The following GDF5 variants were observed in gnomAD, a reference collection of about 807,000 sequenced individuals.
GDF5 encodes the protein growth/differentiation factor 5.
GDF5 carries 17 observed loss-of-function variants against 34.6 expected under a neutral mutation model. That is an observed-to-expected ratio of 0.49 (90% CI 0.34 to 0.74). The LOEUF is 0.74. GDF5 is among the 30% of genes least tolerant of loss of function. The pLI is 0.01. For synonymous variants in GDF5, 332 were observed against 290.7 expected, an observed-to-expected ratio of 1.14 and a Z score of -1.44; for missense variants, 616 against 661.2, an observed-to-expected ratio of 0.93 and a Z score of 0.75.
chr20:35,448,413 A>AAAAAATAT (rs1236837477), intron 1 of GDF5, among the ~76,000 whole-genome samples: 2 of 96,502 alleles, frequency 2.1e-5, no homozygotes, highest in African/African-American at 8.1e-5. Flanking sequence ...AAAAAAAAAA[A>AAAAAATAT]ATATATATAT....
intron 1 of GDF5, among the ~76,000 whole-genome samples, chr20:35,445,290 G>A (rs1035476163): frequency 1.3e-5 from 2 of 152,124 alleles, no homozygotes; most frequent in African/African-American, 4.8e-5. Flanking sequence ...CAGCACTTTG[G>A]GAGTCTGAGA....
At chr20:35,450,745 C>G (rs6058249) in intron 1 of GDF5, among the ~76,000 whole-genome samples, 1 of 151,880 alleles carries the variant, frequency 6.6e-6, no homozygotes, top group Non-Finnish European at 1.5e-5. Flanking sequence ...TGAACAGGAC[C>G]TAATAGTCAG....
In GDF5 at chr20:35,434,281, T is replaced by A; in HGVS notation, c.1134A>T (p.Arg378=). The change falls in exon 2 of 2, where the codon CGA becomes CGT. Residue 378 remains arginine (R), a synonymous_variant. Transcript: ENST00000374369. The part of the protein sequence containing the change: ...TVYEYLFSQR[R]KRRAPLATRQ... ...GAGTGGCCAGTGGGGCCCGCCGTTTTCGCCGCTGGCTGAACAGGTACTCAT... is the reference window on the plus strand; with the variant it reads ...GAGTGGCCAGTGGGGCCCGCCGTTTACGCCGCTGGCTGAACAGGTACTCAT... 1 of 1,614,184 alleles carries A rather than the reference T, an allele frequency of 6.2e-7. No individual in the cohort carries two copies. Among genetic ancestry groups the A allele is most frequent in the Non-Finnish European group, 8.5e-7 (1 of 1,180,030 alleles).
At chr20:35,450,889 C>T (rs993867087) in intron 1 of GDF5, among the ~76,000 whole-genome samples, 3 of 151,400 alleles carry the variant, frequency 2.0e-5, no homozygotes, top group South Asian at 4.2e-4. Context: ...TTGGTTTGAG[C>T]GGTTAAAAGT....
upstream of GDF5, among the ~76,000 whole-genome samples, chr20:35,438,713 A>AGC (rs2062486274): frequency 1.3e-5 from 2 of 152,132 alleles, no homozygotes; most frequent in African/African-American, 4.8e-5. Flanking sequence ...GAATGAGCTC[A>AGC]AAGATCTTAA....
intron 1 of GDF5, among the ~76,000 whole-genome samples, chr20:35,445,010 A>G (rs1399817182): frequency 6.6e-6 from 1 of 152,216 alleles, no homozygotes; most frequent in East Asian, 1.9e-4. Flanking sequence ...CTGGGATTAC[A>G]GGTGTGAGCC....
upstream of GDF5, among the ~76,000 whole-genome samples, chr20:35,440,235 G>A (rs7345533): frequency 6.7e-6 from 1 of 149,994 alleles, no homozygotes; most frequent in Admixed American, 6.7e-5. Context: ...CGGGTGTGGA[G>A]GCAAAGGTTG....
Position 35,449,379 on chromosome 20 carries a change from G to A in GDF5, c.-398+5261C>T, listed in dbSNP as rs224345. ...CAGCCTCAACCTCCTGGGCTCAAGCGATCCTTCCTACCTCAGCCTCCAGAA... is the reference window on the plus strand; with the variant it reads ...CAGCCTCAACCTCCTGGGCTCAAGCAATCCTTCCTACCTCAGCCTCCAGAA... On this transcript the variant is annotated intron_variant, in intron 1 of 3. Coordinates refer to the GDF5 transcript ENST00000374372. Among the ~76,000 whole-genome samples, 549 of 152,066 alleles carry A rather than the reference G, an allele frequency of 3.6e-3. 5 individuals are homozygous for A. The highest frequency in any genetic ancestry group is 5.0e-3 in the Non-Finnish European group (342 of 68,004).
At chr20:35,445,630 C>T (rs1196304247) in intron 1 of GDF5, among the ~76,000 whole-genome samples, 1 of 151,654 alleles carries the variant, frequency 6.6e-6, no homozygotes, top group Admixed American at 6.6e-5. Context: ...CACCATTGCA[C>T]TCCAGTCTGG....
chr20:35,444,626 G>A (rs1205234753), intron 1 of GDF5, among the ~76,000 whole-genome samples: 1 of 152,058 alleles, frequency 6.6e-6, no homozygotes, highest in Non-Finnish European at 1.5e-5. Flanking sequence ...CAAGAGTCTT[G>A]CTCTGTTGCC....
At chr20:35,450,891 G>A (rs1025755453) in intron 1 of GDF5, among the ~76,000 whole-genome samples, 22 of 151,590 alleles carry the variant, frequency 1.5e-4, no homozygotes, top group African/African-American at 5.3e-4. Flanking sequence ...GGTTTGAGCG[G>A]TTAAAAGTAA....
chr20:35,443,408 C>G (rs2062504414), intron 1 of GDF5, among the ~76,000 whole-genome samples: 1 of 152,004 alleles, frequency 6.6e-6, no homozygotes, highest in African/African-American at 2.4e-5. Flanking sequence ...TCTCTGCAGC[C>G]CCTTCTGCCA....
intron 1 of GDF5, chr20:35,435,022 T>A: frequency 1.6e-6 from 1 of 634,816 alleles, no homozygotes; most frequent in Non-Finnish European, 2.9e-6. Flanking sequence ...ATGATTTGCG[T>A]GATTCTGGTG....
Position 35,437,777 on chromosome 20 carries a change from G to C in GDF5, c.152C>G (p.Pro51Arg), listed in dbSNP as rs142244310. Residue 51 changes from proline to arginine, a missense_variant, in exon 1 of 2, where the codon CCC (proline) becomes CGC (arginine). Pro to Arg is a moderately radical substitution (Grantham distance 103). Transcript: ENST00000374369. ...GLAKAEAKER[P>R]PLARNVFRPG... is the part of the protein sequence containing the mutation. The stretch of plus-strand genomic sequence containing the variant: ...CCTGAAGACGTTCCGGGCCAGGGGG[G>C]GCCTCTCCTTGGCCTCTGCTTTGGC... 2.5e-6 allele frequency: 4 copies of C among 1,612,996 alleles called. No individual in the cohort carries two copies. The highest frequency in any genetic ancestry group is 3.3e-5 in the Admixed American group (2 of 59,806).
intron 1 of GDF5, among the ~76,000 whole-genome samples, chr20:35,443,807 G>A (rs538577279): frequency 5.9e-5 from 9 of 152,084 alleles, no homozygotes; most frequent in African/African-American, 1.4e-4. Flanking sequence ...CCACTGCGCC[G>A]GCCGGCCAGA....
rs2062459869 is a variant in GDF5 at position 35,434,390 on chromosome 20, A to G, written c.1025T>C (p.Phe342Ser). ...TTTCTTGGTGCGGCCAAACACCAGG[A>G]ACAGGGCTTTCTCGTGGACCTGCCG... ...AARQVHEKALFLVFGRTKKRD... is the reference protein window; with the variant it reads ...AARQVHEKALSLVFGRTKKRD... Residue 342 changes from phenylalanine (F) to serine (S), a missense_variant, in exon 2 of 2, where the codon TTC becomes TCC. Transcript: ENST00000374369. 6.2e-7 allele frequency: 1 copy of G among 1,613,592 alleles called. No homozygotes were observed. The highest frequency in any genetic ancestry group is 1.3e-5 in the African/African-American group (1 of 74,928).
Position 35,437,832 on chromosome 20 carries a change from G to C in GDF5, c.97C>G (p.Gln33Glu). ...CTVLGAPDLG[Q>E]RPQGTRPGLA... ...CCTGGCCTGGTCCCCTGGGGTCTCT[G>C]GCCCAAGTCAGGGGCACCCAACACA... is the stretch of plus-strand genomic sequence containing the variant. Residue 33 changes from glutamine (Q) to glutamate (E), a missense_variant, in exon 1 of 2, where the codon CAG becomes GAG. Physicochemically the swap from Gln to Glu is conservative, Grantham distance 29. Coordinates refer to ENST00000374369, the MANE Select transcript of GDF5 (RefSeq NM_000557.5). 6.2e-7 allele frequency: 1 copy of C among 1,613,928 alleles called. No homozygotes were observed. The highest frequency in any genetic ancestry group is 1.1e-5 in the South Asian group (1 of 91,058).
intron 1 of GDF5, among the ~76,000 whole-genome samples, chr20:35,447,047 T>C (rs1555824383): frequency 6.6e-6 from 1 of 152,134 alleles, no homozygotes. Context: ...TTGTTACATA[T>C]GTTTTTTTAA....
intron 1 of GDF5, among the ~76,000 whole-genome samples, chr20:35,444,034 C>G (rs2062506554): frequency 6.6e-6 from 1 of 152,130 alleles, no homozygotes; most frequent in South Asian, 2.1e-4. Flanking sequence ...TGTTCCAGTT[C>G]TGCCATTTGC....
Sources: allele counts gnomAD v4.1 joint callset (sites outside exome capture counted in the v4.1 genomes callset), GRCh38; gene constraint gnomAD v4.1.1; transcripts MANE v1.5; gene names NCBI Gene and HGNC (gene_info 2026-07-23, HGNC 2026-07-21).